BCKDHB: variants seen among roughly 807,000 people sequenced by gnomAD.
BCKDHB encodes branched chain keto acid dehydrogenase E1 subunit beta, also known as 2-oxoisovalerate dehydrogenase subunit beta, mitochondrial.
BCKDHB carries 41 observed loss-of-function variants against 48.5 expected under a neutral mutation model. The observed-to-expected ratio is 0.85, with a 90% CI of 0.66 to 1.10. The LOEUF is 1.10. Among genes scored for constraint, BCKDHB ranks in the 50% least tolerant of loss-of-function variants. BCKDHB has a pLI of 0.00. For missense variants in BCKDHB, 496 were observed against 494.2 expected, an observed-to-expected ratio of 1.00 and a Z score of -0.03; for synonymous variants, 201 against 174.8, an observed-to-expected ratio of 1.15 and a Z score of -1.18.
At chr6:80,386,805 G>C in the BCKDHB span, among the ~76,000 whole-genome samples, 1 of 152,164 alleles carries the variant, frequency 6.6e-6, no homozygotes, top group South Asian at 2.1e-4. Flanking sequence ...AAAACTTCTA[G>C]GTTGAATGGA....
At chr6:80,161,614 T>G (rs1772321346) in intron 3 of BCKDHB, among the ~76,000 whole-genome samples, 1 of 152,236 alleles carries the variant, frequency 6.6e-6, no homozygotes, top group Non-Finnish European at 1.5e-5. Context: ...GTTCCCAGCC[T>G]GGCTCACTGT....
At chr6:80,322,896 CTTTTTTT>C (rs34177726) in intron 9 of BCKDHB, among the ~76,000 whole-genome samples, 32 of 115,568 alleles carry the variant, frequency 2.8e-4, no homozygotes, top group African/African-American at 4.8e-4. Context: ...TTTCTTTTTT[CTTTTTTT>C]TTTTTTTTTT....
intron 9 of BCKDHB, among the ~76,000 whole-genome samples, chr6:80,342,941 T>C (rs553265636): frequency 6.3e-4 from 96 of 152,200 alleles, no homozygotes; most frequent in Non-Finnish European, 1.3e-3. Flanking sequence ...AGACAGATAA[T>C]TGGGCAACTA....
the BCKDHB span, among the ~76,000 whole-genome samples, chr6:80,410,950 C>T: frequency 5.3e-5 from 8 of 152,186 alleles, no homozygotes; most frequent in Non-Finnish European, 1.0e-4. Flanking sequence ...CTTCTGTCAA[C>T]TTGTCACAGT....
intron 9 of BCKDHB, among the ~76,000 whole-genome samples, chr6:80,318,542 G>A (rs867372287): frequency 2.0e-5 from 3 of 151,962 alleles, no homozygotes; most frequent in East Asian, 1.9e-4. Flanking sequence ...AAAATTAGCC[G>A]GGCATGGCAG....
the BCKDHB span, among the ~76,000 whole-genome samples, chr6:80,368,880 G>A: frequency 2.6e-5 from 4 of 152,038 alleles, no homozygotes; most frequent in Non-Finnish European, 4.4e-5. Context: ...AGGCGTGGTG[G>A]CTCGTGCCTG....
the BCKDHB span, chr6:80,374,696 T>G: frequency 5.6e-6 from 2 of 354,516 alleles, no homozygotes; most frequent in Non-Finnish European, 1.0e-5. Context: ...CCATGCTATT[T>G]GTCACCCGAA....
At chr6:80,380,982 T>C in the BCKDHB span, among the ~76,000 whole-genome samples, 2 of 151,976 alleles carry the variant, frequency 1.3e-5, no homozygotes. Flanking sequence ...ATGTCATCTG[T>C]GAAGAGAGGG....
chr6:80,389,290 A>G, the BCKDHB span, among the ~76,000 whole-genome samples: 4 of 152,298 alleles, frequency 2.6e-5, no homozygotes, highest in African/African-American at 9.6e-5. Context: ...AGCAACATTT[A>G]CTTCCACTCA....
At chr6:80,132,215 T>C (rs1770665012) in intron 3 of BCKDHB, among the ~76,000 whole-genome samples, 1 of 151,980 alleles carries the variant, frequency 6.6e-6, no homozygotes, top group Non-Finnish European at 1.5e-5. Context: ...GATTCCCCTG[T>C]GAAACTCTTC....
At chr6:80,362,865 A>T in the BCKDHB span, among the ~76,000 whole-genome samples, 2 of 152,132 alleles carry the variant, frequency 1.3e-5, no homozygotes, top group Non-Finnish European at 2.9e-5. Flanking sequence ...TGTTCTGTCA[A>T]CTCCTGGACT....
At chr6:80,144,652 G>T (rs1371784065) in intron 3 of BCKDHB, among the ~76,000 whole-genome samples, 3 of 151,934 alleles carry the variant, frequency 2.0e-5, no homozygotes, top group Non-Finnish European at 4.4e-5. Flanking sequence ...TTCATTTCTG[G>T]CCAGATTAAC....
intron 8 of BCKDHB, among the ~76,000 whole-genome samples, chr6:80,215,811 T>A (rs1775145598): frequency 6.6e-6 from 1 of 152,184 alleles, no homozygotes; most frequent in Admixed American, 6.5e-5. Flanking sequence ...TGGCACGATC[T>A]CCACACTGCA....
At chr6:80,359,297 C>T in the BCKDHB span, among the ~76,000 whole-genome samples, 28 of 152,290 alleles carry the variant, frequency 1.8e-4, 1 homozygote, top group East Asian at 5.2e-3. Context: ...TTTGGGCTCT[C>T]TTCCCTTGCC....
At position 80,144,155 on chromosome 6, in the gene BCKDHB, A is replaced by C. The variant is rs553129481; in HGVS notation, c.343+14926A>C. On this transcript the variant is annotated intron_variant, in intron 3 of 9. Coordinates refer to ENST00000320393, the MANE Select transcript of BCKDHB (RefSeq NM_183050.4). ...CAGGAACATCTTAATTCTGTATTCA[A>C]CGGCAGAAATACAGCATATTAAATG... Among the ~76,000 whole-genome samples, 265 of 152,286 alleles carry C rather than the reference A, an allele frequency of 1.7e-3. 1 individual carries two copies. The highest frequency in any genetic ancestry group is 6.0e-3 in the African/African-American group (251 of 41,576).
chr6:80,339,215 T>C (rs1769768997), intron 9 of BCKDHB, among the ~76,000 whole-genome samples: 1 of 152,198 alleles, frequency 6.6e-6, no homozygotes, highest in Non-Finnish European at 1.5e-5. Flanking sequence ...ACATAATATG[T>C]AACATATTAC....
At chr6:80,242,376 T>C (rs1254475734) in intron 8 of BCKDHB, among the ~76,000 whole-genome samples, 1 of 152,172 alleles carries the variant, frequency 6.6e-6, no homozygotes, top group African/African-American at 2.4e-5. Flanking sequence ...TTACAATACC[T>C]CTCTATCTTA....
the BCKDHB span, among the ~76,000 whole-genome samples, chr6:80,465,139 T>G: frequency 1.3e-5 from 2 of 152,290 alleles, no homozygotes; most frequent in Middle Eastern, 6.8e-3. Context: ...ATGCACTCCC[T>G]GTGGTGGCAT....
intron 9 of BCKDHB, among the ~76,000 whole-genome samples, chr6:80,313,845 A>G (rs1013431121): frequency 6.6e-6 from 1 of 151,880 alleles, no homozygotes; most frequent in Non-Finnish European, 1.5e-5. Flanking sequence ...TTGATGTTCT[A>G]GTTCTTGTGA....
Sources: gnomAD v4.1 joint callset for allele counts (sites outside exome capture counted in the v4.1 genomes callset) on GRCh38, gnomAD v4.1.1 for gene constraint, MANE v1.5 for transcripts, NCBI Gene and HGNC (gene_info 2026-07-23, HGNC 2026-07-21) for gene names.